FAM53A: variants seen among roughly 807,000 people sequenced by gnomAD.
FAM53A encodes the protein family with sequence similarity 53 member A.
Under a neutral mutation model 26.6 loss-of-function variants are expected in FAM53A, and 28 were observed. The observed-to-expected ratio is 1.05, with a 90% CI of 0.78 to 1.45. FAM53A has a LOEUF of 1.45. Ranked by LOEUF, FAM53A falls within the 40% of genes most tolerant of loss-of-function variation. FAM53A has a pLI of 0.00. For synonymous variants in FAM53A, 290 were observed against 253.1 expected, an observed-to-expected ratio of 1.15 and a Z score of -1.38; for missense variants, 650 against 575.8, an observed-to-expected ratio of 1.13 and a Z score of -1.32.
At chr4:1,578,000 C>T in the FAM53A span, among the ~76,000 whole-genome samples, 45 of 152,216 alleles carry the variant, frequency 3.0e-4, no homozygotes, top group African/African-American at 9.9e-4. Flanking sequence ...ATGCCCTTGA[C>T]CTGGCTGCCC....
intron 2 of FAM53A, among the ~76,000 whole-genome samples, chr4:1,661,334 A>G (rs1177345553): frequency 6.6e-6 from 1 of 152,052 alleles, no homozygotes. Flanking sequence ...CCGGCGCCCT[A>G]TGTAAACTCC....
chr4:1,685,456 G>A (rs1260967788), upstream of FAM53A, among the ~76,000 whole-genome samples: 1 of 152,054 alleles, frequency 6.6e-6, no homozygotes, highest in Non-Finnish European at 1.5e-5. Flanking sequence ...ACAGATGCAT[G>A]GAGGCCGGCT....
intron 1 of FAM53A, among the ~76,000 whole-genome samples, chr4:1,678,062 T>C (rs1473399460): frequency 6.6e-6 from 1 of 152,144 alleles, no homozygotes; most frequent in Non-Finnish European, 1.5e-5. Flanking sequence ...AGACTTATTA[T>C]AAAATTGCTG....
intron 1 of FAM53A, among the ~76,000 whole-genome samples, chr4:1,679,621 G>C (rs548525041): frequency 8.7e-5 from 13 of 149,802 alleles, no homozygotes; most frequent in African/African-American, 3.2e-4. Context: ...AGGAGGCGGA[G>C]GTTGCAGTGA....
intron 1 of FAM53A, among the ~76,000 whole-genome samples, chr4:1,621,553 T>C (rs1042609040): frequency 3.3e-5 from 5 of 151,618 alleles, no homozygotes; most frequent in Non-Finnish European, 5.9e-5. Context: ...GACAGTGGGG[T>C]GGATCTGCCG....
intron 4 of FAM53A, among the ~76,000 whole-genome samples, chr4:1,653,151 C>T (rs1275599948): frequency 6.6e-6 from 1 of 152,110 alleles, no homozygotes; most frequent in Non-Finnish European, 1.5e-5. Flanking sequence ...GCCACACACA[C>T]ACCACACAGC....
At chr4:1,662,775 A>T (rs865873845) in intron 2 of FAM53A, among the ~76,000 whole-genome samples, 1 of 152,206 alleles carries the variant, frequency 6.6e-6, no homozygotes, top group Non-Finnish European at 1.5e-5. Flanking sequence ...CAATGAGCAC[A>T]TGAAAATATG....
the FAM53A span, among the ~76,000 whole-genome samples, chr4:1,594,895 A>T: frequency 6.6e-6 from 1 of 152,238 alleles, no homozygotes; most frequent in African/African-American, 2.4e-5. Flanking sequence ...CATTGCCTTC[A>T]TAATATACAT....
At chr4:1,633,350 A>G (rs1179286423) in intron 1 of FAM53A, among the ~76,000 whole-genome samples, 3 of 152,256 alleles carry the variant, frequency 2.0e-5, no homozygotes, top group African/African-American at 7.2e-5. Context: ...CTCCTGGGTC[A>G]GAGGGTAAAT....
At chr4:1,637,797 G>A (rs2108790959), downstream of FAM53A, among the ~76,000 whole-genome samples, 1 of 152,222 alleles carries the variant, frequency 6.6e-6, no homozygotes, top group South Asian at 2.1e-4. Context: ...CACAACCCCG[G>A]CCCTCCCACC....
At chr4:1,672,816 C>A (rs991501924) in intron 1 of FAM53A, among the ~76,000 whole-genome samples, 2 of 128,208 alleles carry the variant, frequency 1.6e-5, no homozygotes, top group African/African-American at 5.8e-5. Context: ...ATCGCCCAGG[C>A]TGGAGTGCAG....
chr4:1,668,024 T>C (rs906447058), intron 2 of FAM53A, among the ~76,000 whole-genome samples: 5 of 152,302 alleles, frequency 3.3e-5, no homozygotes, highest in Admixed American at 1.3e-4. Context: ...ACAGGGAGCC[T>C]GGCGGGGTGC....
At chr4:1,601,609 GCCCCATCTGCCATGCA>G in the FAM53A span, among the ~76,000 whole-genome samples, 1 of 108,506 alleles carries the variant, frequency 9.2e-6, no homozygotes, top group Non-Finnish European at 2.2e-5. Context: ...TCTGCCATGC[GCCCCATCTGCCATGCA>G]CCCCATCTGC....
intron 1 of FAM53A, among the ~76,000 whole-genome samples, chr4:1,634,773 G>A (rs1313088305): frequency 1.3e-5 from 2 of 151,996 alleles, no homozygotes; most frequent in African/African-American, 2.4e-5. Flanking sequence ...GGTGGTGCGC[G>A]CCTGTAATCC....
At position 1,625,602 on chromosome 4, in the gene FAM53A, ATGTCCCGACC is replaced by A. The variant is rs1206486276; in HGVS notation, c.432-7501_432-7492del. Among the ~76,000 whole-genome samples, 25 of 78,544 alleles carry A rather than the reference ATGTCCCGACC, an allele frequency of 3.2e-4. 7 individuals carry two copies. The highest frequency in any genetic ancestry group is 1.2e-3 in the African/African-American group (21 of 18,182). The allele number at this position is 78,544 out of a possible 152,430, so 51.5% of individuals were successfully genotyped here. A position where few individuals can be genotyped will look rare whatever the true frequency, so the allele number is the denominator to read the frequency against. On this transcript the variant is annotated intron_variant, in intron 1 of 1. Coordinates refer to the FAM53A transcript ENST00000489029. Reference sequence around the variant, plus strand: ...TCACGCCAGGTGATCAGAAGCCCCCATGTCCCGACCCACGTGGTCAGGGTCACGCCAGGTG... The same window carrying A: ...TCACGCCAGGTGATCAGAAGCCCCCACACGTGGTCAGGGTCACGCCAGGTG...
the FAM53A span, among the ~76,000 whole-genome samples, chr4:1,589,392 A>AT: frequency 6.6e-6 from 1 of 152,090 alleles, no homozygotes; most frequent in Non-Finnish European, 1.5e-5. Flanking sequence ...TTTATTTATA[A>AT]TTTTTTTATT....
At chr4:1,577,692 A>G in the FAM53A span, among the ~76,000 whole-genome samples, 1 of 152,130 alleles carries the variant, frequency 6.6e-6, no homozygotes, top group African/African-American at 2.4e-5. Context: ...TGTATTTCCA[A>G]TGTTATAATT....
chr4:1,668,624 C>CG (rs1553810765), intron 2 of FAM53A, 43 bp downstream of exon 2: 1 of 1,610,094 alleles, frequency 6.2e-7, no homozygotes, highest in Non-Finnish European at 8.5e-7. Context: ...TGTGACAGCA[C>CG]GGGGGAGGGG....
Position 1,622,675 on chromosome 4 carries a change from C to T in FAM53A, c.432-4564G>A, listed in dbSNP as rs544712245. ...GGGACGGTGGAGCTCTGGGCTGGCT[C>T]GCTCGGGGAGGGAGGTCGGGAACAG... On this transcript the variant is annotated intron_variant, in intron 1 of 1. Transcript: ENST00000489029. 7.9e-5 allele frequency among the ~76,000 whole-genome samples: 12 copies of T among 152,328 alleles called. No individual in the cohort carries two copies. The East Asian group carries it at 9.7e-4, about 12-fold the overall frequency.
Sources: allele counts gnomAD v4.1 joint callset (sites outside exome capture counted in the v4.1 genomes callset), GRCh38; gene constraint gnomAD v4.1.1; transcripts MANE v1.5; gene names NCBI Gene and HGNC (gene_info 2026-07-23, HGNC 2026-07-21).